SVEP1: variants seen among roughly 807,000 people sequenced by gnomAD.
SVEP1 encodes sushi, von Willebrand factor type A, EGF and pentraxin domain-containing protein 1.
Under a neutral mutation model 367.3 loss-of-function variants are expected in SVEP1, and 164 were observed. The observed-to-expected ratio is 0.45, with a 90% confidence interval of 0.39 to 0.51. The LOEUF is 0.51. Ranked by LOEUF, SVEP1 falls within the 20% of genes least tolerant of loss-of-function variation. The pLI is 0.00. For synonymous variants in SVEP1, 1,666 were observed against 1,611.6 expected, an observed-to-expected ratio of 1.03 and a Z score of -0.81; for missense variants, 4,117 against 4,425.3, an observed-to-expected ratio of 0.93 and a Z score of 1.98.
At chr9:110,495,335 T>C (rs1294946930) in intron 8 of SVEP1, among the ~76,000 whole-genome samples, 1 of 152,112 alleles carries the variant, frequency 6.6e-6, no homozygotes, top group African/African-American at 2.4e-5. Context: ...AAATTAAGAA[T>C]CTTAAAATTA....
At chr9:110,490,568 T>C (rs1829352816) in intron 8 of SVEP1, among the ~76,000 whole-genome samples, 1 of 152,128 alleles carries the variant, frequency 6.6e-6, no homozygotes, top group Admixed American at 6.6e-5. Context: ...TCACCTGAGA[T>C]ATTTGTCTTT....
At chr9:110,427,997 A>G (rs1190807266) in intron 35 of SVEP1, among the ~76,000 whole-genome samples, 1 of 152,216 alleles carries the variant, frequency 6.6e-6, no homozygotes, top group Non-Finnish European at 1.5e-5. Context: ...GGTGCATAGT[A>G]AAATATTGAA....
At chr9:110,463,007 G>A (rs896838174) in intron 18 of SVEP1, among the ~76,000 whole-genome samples, 2 of 152,016 alleles carry the variant, frequency 1.3e-5, no homozygotes, top group Non-Finnish European at 1.5e-5. Context: ...GTGAGATGAT[G>A]TATATGTGCA....
At chr9:110,558,510 T>C (rs1284987900) in intron 1 of SVEP1, among the ~76,000 whole-genome samples, 1 of 78,330 alleles carries the variant, frequency 1.3e-5, no homozygotes, top group Non-Finnish European at 2.3e-5. Flanking sequence ...TGAGACCCTG[T>C]CTCAAAAAAA....
At chr9:110,445,804 C>A in intron 26 of SVEP1, 33 bp downstream of exon 26, 1 of 1,611,120 alleles carries the variant, frequency 6.2e-7, no homozygotes. Flanking sequence ...AAGATAAGAT[C>A]TTAAGCATAG....
At chr9:110,570,467 C>CGTGTGTGT (rs59503025) in intron 1 of SVEP1, among the ~76,000 whole-genome samples, 2,468 of 146,884 alleles carry the variant, frequency 0.017, 46 homozygotes, top group African/African-American at 0.036. Flanking sequence ...GTTTCTGTTG[C>CGTGTGTGT]GTGTGTGTGT....
In SVEP1 at chr9:110,457,246, G is replaced by C; in HGVS notation, c.3673+10C>G. 6.4e-7 allele frequency: 1 copy of C among 1,572,028 alleles called. No homozygotes were observed. The highest frequency in any genetic ancestry group is 1.2e-5 in the South Asian group (1 of 84,798). On this transcript the variant is annotated intron_variant, in intron 21 of 47. Transcript: ENST00000374469. ...ATATATTAAAATCTACATTCCTCTT[G>C]GTTATTTACCTGTATATCCAAGTGG...
chr9:110,378,424 C>G (rs2118949590), intron 44 of SVEP1, among the ~76,000 whole-genome samples: 1 of 152,274 alleles, frequency 6.6e-6, no homozygotes, highest in South Asian at 2.1e-4. Context: ...ATCTTCCCTG[C>G]TTCACCAGTT....
At chr9:110,450,363 G>A in intron 23 of SVEP1, 103 bp from the exon 24 acceptor site, 1 of 1,201,686 alleles carries the variant, frequency 8.3e-7, no homozygotes, top group Non-Finnish European at 1.2e-6. Flanking sequence ...TAGAGGATTG[G>A]AATGGAGGCT....
intron 3 of SVEP1, among the ~76,000 whole-genome samples, chr9:110,545,338 T>C (rs1467204065): frequency 6.6e-6 from 1 of 152,206 alleles, no homozygotes; most frequent in Non-Finnish European, 1.5e-5. Flanking sequence ...TTGAGGAACC[T>C]CCATACTGTT....
At chr9:110,375,259 G>T in intron 46 of SVEP1, 109 bp downstream of exon 46, 1 of 950,710 alleles carries the variant, frequency 1.1e-6, no homozygotes, top group Non-Finnish European at 1.6e-6. Flanking sequence ...AGAAACATCA[G>T]TACTTTTTCA....
At chr9:110,459,347 T>A (rs1828823399) in intron 18 of SVEP1, among the ~76,000 whole-genome samples, 1 of 152,206 alleles carries the variant, frequency 6.6e-6, no homozygotes, top group Non-Finnish European at 1.5e-5. Context: ...ATAATTGTAT[T>A]CTGATTTTTC....
At chr9:110,495,868 G>A (rs1829437649) in intron 8 of SVEP1, among the ~76,000 whole-genome samples, 1 of 152,086 alleles carries the variant, frequency 6.6e-6, no homozygotes, top group African/African-American at 2.4e-5. Flanking sequence ...AAACACCAGT[G>A]CTATCTCTTT....
intron 10 of SVEP1, among the ~76,000 whole-genome samples, chr9:110,482,974 AC>A (rs934439288): frequency 1.3e-5 from 2 of 152,152 alleles, no homozygotes; most frequent in African/African-American, 4.8e-5. Flanking sequence ...AGATTCAACA[AC>A]CCCATTAAAT....
intron 40 of SVEP1, among the ~76,000 whole-genome samples, chr9:110,397,302 G>A (rs1196238035): frequency 6.0e-5 from 9 of 150,650 alleles, no homozygotes; most frequent in Admixed American, 1.3e-4. Context: ...AACACTTCAT[G>A]CTAAAAACTC....
chr9:110,435,824 C>T (rs777724366), intron 28 of SVEP1, among the ~76,000 whole-genome samples: 3 of 152,122 alleles, frequency 2.0e-5, no homozygotes, highest in Non-Finnish European at 2.9e-5. Context: ...GTATTTTGTT[C>T]AATCTTGTCA....
intron 13 of SVEP1, among the ~76,000 whole-genome samples, chr9:110,478,513 C>A (rs538203140): frequency 6.6e-6 from 1 of 152,210 alleles, no homozygotes; most frequent in East Asian, 1.9e-4. Flanking sequence ...CTAACACACA[C>A]AAAAATATTT....
chr9:110,379,653 T>G (rs1426616463), intron 43 of SVEP1, 136 bp from the exon 44 acceptor site: 3 of 895,360 alleles, frequency 3.4e-6, no homozygotes, highest in Non-Finnish European at 5.0e-6. Context: ...TCTAGAATAG[T>G]AAGAACTAAA....
chr9:110,366,485 A>T lies in SVEP1; in HGVS notation c.*54T>A. On this transcript the variant is annotated 3_prime_UTR_variant, in exon 48 of 48. Transcript: ENST00000374469. ...TGCATAAGTTCCAGGATGCCCAGGCACTACCGAGGAGAGATGATCCTGCTT... is the reference window on the plus strand; with the variant it reads ...TGCATAAGTTCCAGGATGCCCAGGCTCTACCGAGGAGAGATGATCCTGCTT... The T allele has an allele frequency of 6.7e-7, 1 of 1,484,672 alleles. No homozygotes were observed. The highest frequency in any genetic ancestry group is 9.0e-7 in the Non-Finnish European group (1 of 1,116,720). The allele number at this position is 1,484,672 out of a possible 1,614,324, so 92.0% of individuals were successfully genotyped here.
Sources: gnomAD v4.1 joint callset for allele counts (sites outside exome capture counted in the v4.1 genomes callset) on GRCh38, gnomAD v4.1.1 for gene constraint, MANE v1.5 for transcripts, NCBI Gene and HGNC (gene_info 2026-07-23, HGNC 2026-07-21) for gene names.